Variants in SLC3A1 observed in about 807,000 individuals in gnomAD.
The protein encoded by SLC3A1 is solute carrier family 3 member 1.
SLC3A1 carries 78 observed loss-of-function variants against 60.3 expected under a neutral mutation model. The ratio of observed to expected loss-of-function variants is 1.29; its 90% CI spans 1.08 to 1.56. The LOEUF (loss-of-function observed/expected upper bound fraction) is 1.56, where lower values mean the gene tolerates loss of function less well. SLC3A1 is among the 40% of genes most tolerant of loss of function. The pLI is 0.00. For missense variants in SLC3A1, 1,172 were observed against 858.9 expected, an observed-to-expected ratio of 1.36 and a Z score of -4.56; for synonymous variants, 392 against 307.9, an observed-to-expected ratio of 1.27 and a Z score of -2.86.
At chr2:44,297,683 T>G (rs1671888094) in intron 4 of SLC3A1, among the ~76,000 whole-genome samples, 2 of 152,222 alleles carry the variant, frequency 1.3e-5, no homozygotes, top group South Asian at 4.1e-4. Flanking sequence ...GCTCAATATG[T>G]CATTCTTTCA....
intron 3 of SLC3A1, among the ~76,000 whole-genome samples, chr2:44,281,939 A>G (rs1267007181): frequency 6.6e-6 from 1 of 152,046 alleles, no homozygotes; most frequent in African/African-American, 2.4e-5. Flanking sequence ...CAATAGCACA[A>G]TCTCAGCTCA....
chr2:44,315,565 T>G (rs1273924095), intron 9 of SLC3A1, among the ~76,000 whole-genome samples: 2 of 137,822 alleles, frequency 1.5e-5, no homozygotes, highest in Non-Finnish European at 3.0e-5. Flanking sequence ...TCCCAGCTAC[T>G]CAGGAGGCTG....
At chr2:44,282,965 T>C (rs149392245) in intron 3 of SLC3A1, among the ~76,000 whole-genome samples, 34 of 152,234 alleles carry the variant, frequency 2.2e-4, no homozygotes, top group Middle Eastern at 3.4e-3. Flanking sequence ...GCCACATGAG[T>C]AATACTTATA....
intron 4 of SLC3A1, among the ~76,000 whole-genome samples, chr2:44,297,393 C>T (rs949634169): frequency 5.3e-5 from 8 of 152,196 alleles, no homozygotes; most frequent in Non-Finnish European, 1.2e-4. Flanking sequence ...AGGCCAGCCT[C>T]TGCCTCCACA....
In SLC3A1 at chr2:44,299,977, T is replaced by G. The variant is rs774747715; in HGVS notation, c.898T>G (p.Leu300Val). ...PDVQEEIKEI[L>V]RFWLTKGVDG... ...TTTGCTTCTTCATCTTTAGGAAATT[T>G]TACGGTTCTGGCTCACAAAGGGTGT... is the stretch of plus-strand genomic sequence containing the variant. The change falls in exon 5 of 10, where the codon TTA (leucine) becomes GTA (valine). Residue 300 changes from leucine (L) to valine (V), a missense_variant. Coordinates refer to ENST00000260649, the MANE Select transcript of SLC3A1 (RefSeq NM_000341.4). 10 of 1,614,032 alleles carry G rather than the reference T, an allele frequency of 6.2e-6. No individual in the cohort carries two copies. The highest frequency in any genetic ancestry group is 1.3e-5 in the African/African-American group (1 of 74,938).
chr2:44,277,077 T>C (rs1293967943), intron 1 of SLC3A1, among the ~76,000 whole-genome samples: 1 of 149,974 alleles, frequency 6.7e-6, no homozygotes, highest in East Asian at 1.9e-4. Context: ...GCTTTTCTTT[T>C]TCACGCTCCT....
At chr2:44,292,388 ACCT>A (rs1362118603) in intron 4 of SLC3A1, among the ~76,000 whole-genome samples, 1 of 151,700 alleles carries the variant, frequency 6.6e-6, no homozygotes, top group Non-Finnish European at 1.5e-5. Flanking sequence ...CATTTATTGC[ACCT>A]CCTCTATGCC....
chr2:44,299,644 G>T (rs1402527141), intron 4 of SLC3A1, among the ~76,000 whole-genome samples: 1 of 152,138 alleles, frequency 6.6e-6, no homozygotes, highest in Non-Finnish European at 1.5e-5. Flanking sequence ...TTTATTCTGA[G>T]TCCTATCTTT....
intron 4 of SLC3A1, among the ~76,000 whole-genome samples, chr2:44,291,713 G>A (rs1470583909): frequency 6.6e-6 from 1 of 152,142 alleles, no homozygotes; most frequent in Non-Finnish European, 1.5e-5. Context: ...AGCTCAGAGG[G>A]TTTGTGTGGA....
At chr2:44,282,402 C>T (rs1479923464) in intron 3 of SLC3A1, among the ~76,000 whole-genome samples, 1 of 151,958 alleles carries the variant, frequency 6.6e-6, no homozygotes, top group Non-Finnish European at 1.5e-5. Flanking sequence ...TCTGCCTCTA[C>T]CCCATCTTAT....
chr2:44,285,743 T>C lies in SLC3A1; in HGVS notation c.766-289T>C, dbSNP rs143075264. 250 of 582,434 alleles carry C rather than the reference T, an allele frequency of 4.3e-4. 1 individual carries two copies. Among genetic ancestry groups the C allele is most frequent in the African/African-American group, 3.9e-3 (209 of 54,254 alleles). The allele number at this position is 582,434 out of a possible 1,614,324, so 36.1% of individuals were successfully genotyped here. A position where few individuals can be genotyped will look rare whatever the true frequency, so the allele number is the denominator to read the frequency against. The stretch of plus-strand genomic sequence containing the variant: ...AAGATTCAAGAAAATACATTAGTAA[T>C]GTCAGTTCCTTAAGTTGACCTTGTC... On this transcript the variant is annotated intron_variant, in intron 3 of 9. Coordinates refer to ENST00000260649, the MANE Select transcript of SLC3A1 (RefSeq NM_000341.4).
intron 7 of SLC3A1, among the ~76,000 whole-genome samples, chr2:44,307,622 G>A (rs1288240193): frequency 6.9e-6 from 1 of 144,294 alleles, no homozygotes; most frequent in Non-Finnish European, 1.5e-5. Flanking sequence ...GTATTTTCAT[G>A]TGCTTATTGG....
At position 44,283,504 on chromosome 2, in the gene SLC3A1, C is replaced by T. The variant is rs1047789895; in HGVS notation, c.765+1963C>T. On this transcript the variant is annotated intron_variant, in intron 3 of 9. Coordinates refer to ENST00000260649, the MANE Select transcript of SLC3A1 (RefSeq NM_000341.4). Reference sequence around the variant, plus strand: ...GTGTAATTCCTGTTTTGCAGATAGGCAGACTGAGGTTACTCAGCTAATAAA... The same window carrying T: ...GTGTAATTCCTGTTTTGCAGATAGGTAGACTGAGGTTACTCAGCTAATAAA... Among the ~76,000 whole-genome samples the T allele has an allele frequency of 3.9e-5, 6 of 152,186 alleles. No homozygotes were observed. The East Asian group carries it at 1.2e-3, about 29-fold the overall frequency.
At chr2:44,299,913 A>G in intron 4 of SLC3A1, 58 bp from the exon 5 acceptor site, 1 of 1,584,768 alleles carries the variant, frequency 6.3e-7, no homozygotes, top group Non-Finnish European at 8.7e-7. Context: ...AACTTTGATT[A>G]AACGTTGTGA....
intron 4 of SLC3A1, among the ~76,000 whole-genome samples, chr2:44,299,164 G>A (rs1050815297): frequency 5.3e-5 from 8 of 150,646 alleles, no homozygotes; most frequent in South Asian, 2.1e-4. Flanking sequence ...TCGGCCTCCC[G>A]AGTAGCTGGG....
intron 7 of SLC3A1, among the ~76,000 whole-genome samples, chr2:44,306,073 T>G (rs1443320284): frequency 1.3e-5 from 2 of 152,154 alleles, no homozygotes; most frequent in East Asian, 3.8e-4. Context: ...TCAGGGTTTG[T>G]TTGTTACTGG....
intron 7 of SLC3A1, among the ~76,000 whole-genome samples, chr2:44,307,130 C>G (rs952313984): frequency 6.6e-6 from 1 of 152,158 alleles, no homozygotes; most frequent in Admixed American, 6.6e-5. Context: ...GCTTCTTTCA[C>G]TTAACATAGT....
At chr2:44,311,048 G>A (rs1672283766) in intron 7 of SLC3A1, among the ~76,000 whole-genome samples, 1 of 152,054 alleles carries the variant, frequency 6.6e-6, no homozygotes, top group Non-Finnish European at 1.5e-5. Context: ...TCCTGCCTTG[G>A]CATCCCAAAG....
intron 6 of SLC3A1, chr2:44,301,432 T>G: frequency 1.7e-6 from 1 of 574,118 alleles, no homozygotes; most frequent in East Asian, 2.9e-5. Context: ...TGAGCTATTA[T>G]TTTTTCTTTT....
Sources: gnomAD v4.1 joint callset for allele counts (sites outside exome capture counted in the v4.1 genomes callset) on GRCh38, gnomAD v4.1.1 for gene constraint, MANE v1.5 for transcripts, NCBI Gene and HGNC (gene_info 2026-07-23, HGNC 2026-07-21) for gene names.